The following RAB15 variants were observed in gnomAD, a reference collection of about 807,000 sequenced individuals.
RAB15 encodes RAB15, member RAS oncogene family, also known as ras-related protein Rab-15.
RAB15 carries 13 observed loss-of-function variants against 31.8 expected under a neutral mutation model. The observed-to-expected ratio is 0.41, with a 90% CI of 0.27 to 0.65. RAB15 has a LOEUF of 0.65. RAB15 is among the 30% of genes least tolerant of loss of function. The pLI is 0.32. For synonymous variants in RAB15, 100 were observed against 105.6 expected, an observed-to-expected ratio of 0.95 and a Z score of 0.33; for missense variants, 220 against 277.3, an observed-to-expected ratio of 0.79 and a Z score of 1.47.
At position 64,953,422 on chromosome 14, in the gene RAB15, C is replaced by T. The variant is rs1157188859; in HGVS notation, c.125-851G>A. Among the ~76,000 whole-genome samples, 1 of 152,104 alleles carries T rather than the reference C, an allele frequency of 6.6e-6. No individual in the cohort carries two copies. Among genetic ancestry groups the T allele is most frequent in the Non-Finnish European group, 1.5e-5 (1 of 68,032 alleles). ...GAGCTAGTGCAGGGCCGGGTACATG[C>T]GGGTGCTTATGAGTGACTGTCATAG... On this transcript the variant is annotated intron_variant, in intron 1 of 6. Transcript: ENST00000533601. This position sits in a 1 kb window ranked among gnomAD's most constrained non-coding sequence, Gnocchi z 4.6.
chr14:64,960,687 G>A (rs570330239), intron 1 of RAB15, among the ~76,000 whole-genome samples: 144 of 152,288 alleles, frequency 9.5e-4, no homozygotes, highest in African/African-American at 3.3e-3. Context: ...AGAAGCAGCC[G>A]TCAAGCTCCC....
chr14:64,948,020 C>T lies in RAB15; in HGVS notation c.*334G>A. 3.6e-6 allele frequency: 1 copy of T among 281,028 alleles called. No individual in the cohort carries two copies. Among genetic ancestry groups the T allele is most frequent in the Non-Finnish European group, 6.6e-6 (1 of 150,988 alleles). The allele number at this position is 281,028 out of a possible 1,614,324, so 17.4% of individuals were successfully genotyped here. A position where few individuals can be genotyped will look rare whatever the true frequency, so the allele number is the denominator to read the frequency against. The stretch of plus-strand genomic sequence containing the variant: ...GAGACACGATGCACGGAGAAAGGAG[C>T]AGCTGAAAGTGGCCTGGACTCCAGC... On this transcript the variant is annotated 3_prime_UTR_variant, in exon 7 of 7. Transcript: ENST00000533601. The surrounding 1 kb of genome is among the most constrained non-coding windows in gnomAD (Gnocchi z 7.0).
At chr14:64,956,641 C>A (rs1448091356) in intron 1 of RAB15, among the ~76,000 whole-genome samples, 3 of 152,188 alleles carry the variant, frequency 2.0e-5, no homozygotes, top group African/African-American at 7.2e-5. Flanking sequence ...TTCTCTGTTT[C>A]TCAAGGTGTG....
rs1886323124 is a variant in RAB15 at position 64,952,611 on chromosome 14, C to T, written c.125-40G>A. The T allele has an allele frequency of 2.6e-5, 39 of 1,476,322 alleles. No homozygotes were observed. The highest frequency in any genetic ancestry group is 3.5e-5 in the Non-Finnish European group (37 of 1,061,452). The allele number at this position is 1,476,322 out of a possible 1,614,324, so 91.5% of individuals were successfully genotyped here. ...AAAGAAAGAAAGTTAGAAAGCGTAC[C>T]CACGAGAAATGAACAGGAAAGGGCC... On this transcript the variant is annotated intron_variant, in intron 1 of 6. Transcript: ENST00000533601. This position sits in a 1 kb window ranked among gnomAD's most constrained non-coding sequence, Gnocchi z 4.2.
In RAB15 at chr14:64,951,583, C is replaced by T; in HGVS notation, c.246+20G>A. On this transcript the variant is annotated intron_variant, in intron 3 of 6. Transcript: ENST00000533601. This position sits in a 1 kb window ranked among gnomAD's most constrained non-coding sequence, Gnocchi z 7.2. Reference sequence around the variant, plus strand: ...TGGGTGGCAGCTTCCCACTTTGAAACCCCCAATGTGGTGGCTTACCTGGGC... The same window carrying T: ...TGGGTGGCAGCTTCCCACTTTGAAATCCCCAATGTGGTGGCTTACCTGGGC... 6.2e-7 allele frequency: 1 copy of T among 1,612,026 alleles called. No individual in the cohort carries two copies. The highest frequency in any genetic ancestry group is 8.5e-7 in the Non-Finnish European group (1 of 1,178,032).
chr14:64,966,950 C>T (rs1011355034), intron 1 of RAB15, among the ~76,000 whole-genome samples: 2 of 152,204 alleles, frequency 1.3e-5, no homozygotes, highest in Non-Finnish European at 2.9e-5. Flanking sequence ...CTGCAAACCC[C>T]AGGATCCTAG....
rs1397772308 is a variant in RAB15, at chr14:64,950,548, G to A, written c.325-134C>T. On this transcript the variant is annotated intron_variant, in intron 4 of 6. Coordinates refer to ENST00000533601, the MANE Select transcript of RAB15 (RefSeq NM_001308154.2). The surrounding 1 kb of genome is among the most constrained non-coding windows in gnomAD (Gnocchi z 5.6). ...GACAGGGTGGGCCGACTGGATGCAGGTGCCAGGCTCCCCCAAGTGCCATGG... is the reference window on the plus strand; with the variant it reads ...GACAGGGTGGGCCGACTGGATGCAGATGCCAGGCTCCCCCAAGTGCCATGG... 3 of 772,536 alleles carry A rather than the reference G, an allele frequency of 3.9e-6. No individual in the cohort carries two copies. The highest frequency in any genetic ancestry group is 3.0e-5 in the South Asian group (2 of 67,384). 47.9% of individuals were successfully genotyped at this position (772,536 alleles called of 1,614,324 possible).
At chr14:64,967,855 G>A (rs1277678812) in intron 1 of RAB15, among the ~76,000 whole-genome samples, 2 of 152,158 alleles carry the variant, frequency 1.3e-5, no homozygotes, top group Non-Finnish European at 2.9e-5. Flanking sequence ...GTGGAAGTTG[G>A]TGTTGGTACC....
At chr14:64,957,728 G>T (rs1566845529) in intron 1 of RAB15, among the ~76,000 whole-genome samples, 1 of 152,164 alleles carries the variant, frequency 6.6e-6, no homozygotes, top group Non-Finnish European at 1.5e-5. Context: ...CCACAGCTGA[G>T]CTGGACTGGA....
chr14:64,950,965 G>A lies in RAB15; in HGVS notation c.324+109C>T, dbSNP rs764232621. 9.3e-6 allele frequency: 15 copies of A among 1,613,584 alleles called. No individual in the cohort carries two copies. The East Asian group carries it at 2.5e-4, about 26-fold the overall frequency. ...CACCCAGAGGTCTTCATCCAGGGCT[G>A]TGGAAGGCAAAGCTTCCTGGAAGCA... On this transcript the variant is annotated intron_variant, in intron 4 of 6. Transcript: ENST00000533601. The surrounding 1 kb of genome is among the most constrained non-coding windows in gnomAD (Gnocchi z 5.6).
chr14:64,959,943 A>G (rs1172226517), intron 1 of RAB15, among the ~76,000 whole-genome samples: 1 of 151,494 alleles, frequency 6.6e-6, no homozygotes, highest in African/African-American at 2.4e-5. Context: ...GAGGCTTAAG[A>G]GCAGGGAGAC....
In RAB15 at chr14:64,950,994, G is replaced by T. The variant is rs765310501; in HGVS notation, c.324+80C>A. Reference sequence around the variant, plus strand: ...AAGGCAAAGCTTCCTGGAAGCATTTGCCTTCCCATCTGGCCCTCGCCTTGC... The same window carrying T: ...AAGGCAAAGCTTCCTGGAAGCATTTTCCTTCCCATCTGGCCCTCGCCTTGC... On this transcript the variant is annotated intron_variant, in intron 4 of 6. Coordinates refer to ENST00000533601, the MANE Select transcript of RAB15 (RefSeq NM_001308154.2). The surrounding 1 kb of genome is among the most constrained non-coding windows in gnomAD (Gnocchi z 5.6). 52 of 1,613,800 alleles carry T rather than the reference G, an allele frequency of 3.2e-5. No individual in the cohort carries two copies. In the East Asian group the frequency reaches 1.1e-3, roughly 33 times the overall value.
chr14:64,952,721 G>A lies in RAB15; in HGVS notation c.125-150C>T. 1.8e-6 allele frequency: 1 copy of A among 561,842 alleles called. No homozygotes were observed. Among genetic ancestry groups the A allele is most frequent in the South Asian group, 2.2e-5 (1 of 45,176 alleles). The allele number at this position is 561,842 out of a possible 1,614,324, so 34.8% of individuals were successfully genotyped here. A position where few individuals can be genotyped will look rare whatever the true frequency, so the allele number is the denominator to read the frequency against. Reference sequence around the variant, plus strand: ...TAAAGGCCTTCTTTAAGCAGAAACTGACCTTAAGGAAGTATCTGAAGCTTT... The same window carrying A: ...TAAAGGCCTTCTTTAAGCAGAAACTAACCTTAAGGAAGTATCTGAAGCTTT... On this transcript the variant is annotated intron_variant, in intron 1 of 6. Transcript: ENST00000533601. This position sits in a 1 kb window ranked among gnomAD's most constrained non-coding sequence, Gnocchi z 4.2.
At chr14:64,969,083 T>C (rs1887291469) in intron 1 of RAB15, among the ~76,000 whole-genome samples, 1 of 152,236 alleles carries the variant, frequency 6.6e-6, no homozygotes, top group African/African-American at 2.4e-5. Context: ...TACCTTGTTT[T>C]CTTAATTCAC....
intron 1 of RAB15, among the ~76,000 whole-genome samples, chr14:64,967,302 C>G (rs1242818744): frequency 6.6e-6 from 1 of 152,170 alleles, no homozygotes; most frequent in South Asian, 2.1e-4. Context: ...AGAAAACCAA[C>G]TCCTGAGGGA....
intron 1 of RAB15, among the ~76,000 whole-genome samples, chr14:64,967,830 A>G (rs1887216284): frequency 6.6e-6 from 1 of 152,192 alleles, no homozygotes; most frequent in African/African-American, 2.4e-5. Flanking sequence ...GAGGGAAAGT[A>G]GAACAACTGA....
chr14:64,972,083 G>T lies in RAB15; in HGVS notation c.-7C>A. ...CATCGTACTGCTTCGCCATGACTGG[G>T]GCCAGCGGGGCCGGGAACTGCGGGC... On this transcript the variant is annotated 5_prime_UTR_variant, in exon 1 of 7. Coordinates refer to ENST00000533601, the MANE Select transcript of RAB15 (RefSeq NM_001308154.2). This position sits in a 1 kb window ranked among gnomAD's most constrained non-coding sequence, Gnocchi z 6.3. The T allele has an allele frequency of 6.3e-7, 1 of 1,595,078 alleles. No homozygotes were observed. The highest frequency in any genetic ancestry group is 8.5e-7 in the Non-Finnish European group (1 of 1,172,920).
In RAB15 at chr14:64,950,954, C is replaced by T; in HGVS notation, c.324+120G>A. On this transcript the variant is annotated intron_variant, in intron 4 of 6. Transcript: ENST00000533601. This position sits in a 1 kb window ranked among gnomAD's most constrained non-coding sequence, Gnocchi z 5.6. ...CATGTCTTACTCACCCAGAGGTCTT[C>T]ATCCAGGGCTGTGGAAGGCAAAGCT... The T allele has an allele frequency of 6.2e-7, 1 of 1,612,406 alleles. No homozygotes were observed. Among genetic ancestry groups the T allele is most frequent in the Non-Finnish European group, 8.5e-7 (1 of 1,178,868 alleles).
rs1887429701 is a variant in RAB15, at chr14:64,971,729, G to C, written c.124+224C>G. On this transcript the variant is annotated intron_variant, in intron 1 of 6. Coordinates refer to ENST00000533601, the MANE Select transcript of RAB15 (RefSeq NM_001308154.2). The surrounding 1 kb of genome is among the most constrained non-coding windows in gnomAD (Gnocchi z 4.1). ...GGTTTGATGGGACGGAAGGCTTCCC[G>C]GCAAGAGGCGGGAGACCCCACCCCT... 2 of 558,120 alleles carry C rather than the reference G, an allele frequency of 3.6e-6. No homozygotes were observed. Among genetic ancestry groups the C allele is most frequent in the South Asian group, 2.1e-5 (1 of 47,956 alleles). The allele number at this position is 558,120 out of a possible 1,614,324, so 34.6% of individuals were successfully genotyped here.
Sources: gnomAD v4.1 joint callset for allele counts (sites outside exome capture counted in the v4.1 genomes callset) on GRCh38, gnomAD v4.1.1 for gene constraint, Gnocchi (gnomAD v3.1) non-coding constraint, MANE v1.5 for transcripts, NCBI Gene and HGNC (gene_info 2026-07-23, HGNC 2026-07-21) for gene names.